The following FLG variants were observed in gnomAD, a reference collection of about 807,000 sequenced individuals.
The protein encoded by FLG is filaggrin.
FLG carries 6 observed loss-of-function variants against 3.8 expected under a neutral mutation model. The ratio of observed to expected loss-of-function variants is 1.60; its 90% confidence interval spans 0.87 to 3.15. The LOEUF (loss-of-function observed/expected upper bound fraction) is 3.15. FLG is among the 30% of genes most tolerant of loss of function. The probability of loss-of-function intolerance (pLI) is 0.00; values close to 1 mark genes in which losing one functional copy is unlikely to be tolerated. For synonymous variants in FLG, 2,551 were observed against 1,931.6 expected (o/e 1.32, Z -8.41); for missense variants, 7,595 against 5,050.9 (o/e 1.50, Z -15.27).
intron 1 of FLG, among the ~76,000 whole-genome samples, chr1:152,321,063 TACAC>T (rs964667976): frequency 1.3e-5 from 2 of 150,640 alleles, no homozygotes; most frequent in Non-Finnish European, 3.0e-5. Flanking sequence ...TATATATATA[TACAC>T]ACACACATAT....
intron 2 of FLG, 63 bp from the exon 3 acceptor site, chr1:152,314,810 A>T (rs1181725513): frequency 6.2e-7 from 1 of 1,601,654 alleles, no homozygotes; most frequent in East Asian, 2.2e-5. Flanking sequence ...CAGCCAATTA[A>T]TTCAAAGTTA....
chr1:152,314,148 G>C lies in FLG; in HGVS notation c.738C>G (p.Thr246=), dbSNP rs773723648. 1.2e-6 allele frequency: 2 copies of C among 1,614,114 alleles called. No homozygotes were observed. Among genetic ancestry groups the C allele is most frequent in the South Asian group, 2.2e-5 (2 of 91,080 alleles). The change falls in exon 3 of 3, where the codon ACC becomes ACG. Residue 246 remains threonine, a synonymous_variant. Coordinates refer to ENST00000368799, the MANE Select transcript of FLG (RefSeq NM_002016.2). ...TGTTTTCTTCTAATAGACTATCAGT[G>C]GTGTCATAGGCTTCATCCTGGATTG... The part of the protein sequence containing the change: ...YYTIQDEAYD[T]TDSLLEENKI...
Position 152,312,632 on chromosome 1 carries a change from C to T in FLG, c.2254G>A (p.Gly752Arg), listed in dbSNP as rs1473187722. ...SSGSQATDSE[G>R]HSEDSDTQSV... ...TGTGTGTCTGAGTCTTCTGAATGTC[C>T]CTCACTGTCAGTGGCCTGACTACCA... is the stretch of plus-strand genomic sequence containing the variant. The change falls in exon 3 of 3, where the codon GGA (glycine) becomes AGA (arginine). Residue 752 changes from glycine to arginine, a missense_variant. By Grantham distance (125) the Gly-to-Arg change is moderately radical (BLOSUM62 -2). Coordinates refer to ENST00000368799, the MANE Select transcript of FLG (RefSeq NM_002016.2). 9.3e-6 allele frequency: 15 copies of T among 1,613,702 alleles called. No individual in the cohort carries two copies. The highest frequency in any genetic ancestry group is 1.3e-5 in the African/African-American group (1 of 74,762).
rs1652262034 is a variant in FLG, at chr1:152,309,814, C to G, written c.5072G>C (p.Ser1691Thr). 4 of 1,613,996 alleles carry G rather than the reference C, an allele frequency of 2.5e-6. No homozygotes were observed. In the Admixed American group the frequency reaches 5.0e-5, roughly 20 times the overall value. The change falls in exon 3 of 3, where the codon AGC becomes ACC. Residue 1691 changes from serine (S) to threonine (T), a missense_variant. Coordinates refer to ENST00000368799, the MANE Select transcript of FLG (RefSeq NM_002016.2). ...HGSRHQQSAD[S>T]STDSGTGRRQ... ...GCGCCCAGTGCCTGAGTCTGTGGAG[C>G]TGTCTGCTGACTGCTGGTGGCGGGA...
rs144444327 is a variant in FLG at position 152,305,112 on chromosome 1, G to A, written c.9774C>T (p.His3258=). 424 of 1,613,708 alleles carry A rather than the reference G, an allele frequency of 2.6e-4. 2 individuals are homozygous for A. The highest frequency in any genetic ancestry group is 3.3e-4 in the Middle Eastern group (2 of 6,058). Residue 3258 remains histidine (H), a synonymous_variant, in exon 3 of 3, where the codon CAC becomes CAT. Transcript: ENST00000368799. ...AGTGCCCGTGACCGGCTCTGTCTTC[G>A]TGATGGGACCTGGGGTGTCTGGAGC... The part of the protein sequence containing the change: ...RHGSRHPRSH[H]EDRAGHGHSA...
chr1:152,311,513 C>G lies in FLG; in HGVS notation c.3373G>C (p.Glu1125Gln). Residue 1125 changes from glutamate (E) to glutamine (Q), a missense_variant, in exon 3 of 3, where the codon GAA becomes CAA. Physicochemically the swap from Glu to Gln is conservative, Grantham distance 29. Transcript: ENST00000368799. ...CGCCCATGGGCAGACTCAGACTGTT[C>G]ATGAGTGCTCACCTGGTAGATGAAA... ...GSFIYQVSTHEQSESAHGRTR... is the reference protein window; with the variant it reads ...GSFIYQVSTHQQSESAHGRTR... 6.2e-7 allele frequency: 1 copy of G among 1,613,884 alleles called. No individual in the cohort carries two copies. Among genetic ancestry groups the G allele is most frequent in the Non-Finnish European group, 8.5e-7 (1 of 1,179,964 alleles).
Position 152,309,220 on chromosome 1 carries a change from G to C in FLG, c.5666C>G (p.Ser1889Cys), listed in dbSNP as rs893855522. The change falls in exon 3 of 3, where the codon TCC becomes TGC. Residue 1889 changes from serine to cysteine, a missense_variant. Physicochemically the swap from Ser to Cys is moderately radical, Grantham distance 112. Coordinates refer to ENST00000368799, the MANE Select transcript of FLG (RefSeq NM_002016.2). ...GTGTCTAGAGCTGTCGGCCCGAGAG[G>C]AAGCTTCATGGTGACGCGACCCTGA... The part of the protein sequence containing the change: ...RHSGSRHHEA[S>C]SRADSSRHSQ... The C allele has an allele frequency of 6.2e-7, 1 of 1,613,614 alleles. No individual in the cohort carries two copies. Among genetic ancestry groups the C allele is most frequent in the South Asian group, 1.1e-5 (1 of 91,064 alleles).
At chr1:152,315,285 A>G (rs976896583) in intron 2 of FLG, 34 bp downstream of exon 2, 1 of 1,606,414 alleles carries the variant, frequency 6.2e-7, no homozygotes, top group Non-Finnish European at 8.5e-7. Flanking sequence ...AGAAAAACAA[A>G]TGCTCTATCT....
At position 152,310,411 on chromosome 1, in the gene FLG, T is replaced by G; in HGVS notation, c.4475A>C (p.His1492Pro). The G allele has an allele frequency of 6.2e-7, 1 of 1,613,462 alleles. No homozygotes were observed. The highest frequency in any genetic ancestry group is 1.1e-5 in the South Asian group (1 of 91,032). Residue 1492 changes from histidine to proline, a missense_variant, in exon 3 of 3, where the codon CAC (histidine) becomes CCC (proline). By Grantham distance (77) the His-to-Pro change is moderately conservative. Transcript: ENST00000368799. ...CCTTCCTCCTCTGCTTGACCCCGGG[T>G]GTCCACGAATGGTGTCCTGACCGTC... ...SQDGQDTIRG[H>P]PGSSRGGRQG...
Position 152,307,036 on chromosome 1 carries a change from C to G in FLG, c.7850G>C (p.Gly2617Ala), listed in dbSNP as rs1424183884. The G allele has an allele frequency of 6.2e-7, 1 of 1,603,630 alleles. No homozygotes were observed. The highest frequency in any genetic ancestry group is 8.5e-7 in the Non-Finnish European group (1 of 1,178,124). The change falls in exon 3 of 3, where the codon GGG becomes GCG. Residue 2617 changes from glycine (G) to alanine (A), a missense_variant. Physicochemically the swap from Gly to Ala is moderately conservative, Grantham distance 60. Transcript: ENST00000368799. ...TTGTCTGGAGCTGTCTGCAGAGTGC[C>G]CATGACCAGCTCTGTCTTCTTGATG... ...RSHQEDRAGH[G>A]HSADSSRQSG...
chr1:152,322,206 T>G (rs1653001545), intron 1 of FLG, among the ~76,000 whole-genome samples: 1 of 151,156 alleles, frequency 6.6e-6, no homozygotes, highest in African/African-American at 2.4e-5. Flanking sequence ...GCCTGCATCA[T>G]CCTATTGATA....
In FLG at chr1:152,313,330, T is replaced by A; in HGVS notation, c.1556A>T (p.His519Leu). ...CCTTCCTCCTCTGCTTGACCCCGGG[T>A]GTCCACGAATGGTGTCCTGACCCTC... is the stretch of plus-strand genomic sequence containing the variant. ...SQEGQDTIRG[H>L]PGSSRGGRQG... The change falls in exon 3 of 3, where the codon CAC becomes CTC. Residue 519 changes from histidine to leucine, a missense_variant. His to Leu is a moderately conservative substitution (Grantham distance 99, BLOSUM62 -3). Coordinates refer to ENST00000368799, the MANE Select transcript of FLG (RefSeq NM_002016.2). 1.2e-6 allele frequency: 2 copies of A among 1,613,088 alleles called. No individual in the cohort carries two copies. The highest frequency in any genetic ancestry group is 1.7e-6 in the Non-Finnish European group (2 of 1,179,748).
At position 152,303,408 on chromosome 1, in the gene FLG, T is replaced by G. The variant is rs1431650740; in HGVS notation, c.11478A>C (p.Ser3826=). The G allele has an allele frequency of 1.2e-6, 2 of 1,614,096 alleles. No homozygotes were observed. Among genetic ancestry groups the G allele is most frequent in the Non-Finnish European group, 1.7e-6 (2 of 1,180,012 alleles). Residue 3826 remains serine, a synonymous_variant, in exon 3 of 3, where the codon TCA becomes TCC. Transcript: ENST00000368799. ...EEQSGDGSRH[S]GSRHHEASTQ... ...TGGAAGCTTCATGGTGACGCGACCCTGAGTGCCTGGAGCCGTCTCCTGACT... is the reference window on the plus strand; with the variant it reads ...TGGAAGCTTCATGGTGACGCGACCCGGAGTGCCTGGAGCCGTCTCCTGACT...
rs1411076627 is a variant in FLG at position 152,307,590 on chromosome 1, C to A, written c.7296G>T (p.Gly2432=). 3.1e-6 allele frequency: 5 copies of A among 1,613,540 alleles called. No individual in the cohort carries two copies. Among genetic ancestry groups the A allele is most frequent in the Admixed American group, 3.3e-5 (2 of 59,952 alleles). The change falls in exon 3 of 3, where the codon GGG becomes GGT. Residue 2432 remains glycine (G), a synonymous_variant. Transcript: ENST00000368799. ...EQSESAHGRT[G]TSTGGRQGSH... is the part of the protein sequence containing the mutation. ...ATCCTTGTCTTCCTCCAGTGCTGGTCCCGGTCCGTCCATGGGCGGACTCAG... is the reference window on the plus strand; with the variant it reads ...ATCCTTGTCTTCCTCCAGTGCTGGTACCGGTCCGTCCATGGGCGGACTCAG...
chr1:152,314,162 C>T lies in FLG; in HGVS notation c.724G>A (p.Glu242Lys), dbSNP rs180813633. The part of the protein sequence containing the change: ...HIATYYTIQD[E>K]AYDTTDSLLE... ...AGACTATCAGTGGTGTCATAGGCTT[C>T]ATCCTGGATTGTGTAATATGTGGCA... Residue 242 changes from glutamate to lysine, a missense_variant, in exon 3 of 3, where the codon GAA becomes AAA. By Grantham distance (56) the Glu-to-Lys change is moderately conservative (BLOSUM62 1). Transcript: ENST00000368799. 60 of 1,614,192 alleles carry T rather than the reference C, an allele frequency of 3.7e-5. No individual in the cohort carries two copies. Among genetic ancestry groups the T allele is most frequent in the Admixed American group, 3.7e-4 (22 of 60,028 alleles).
At position 152,313,216 on chromosome 1, in the gene FLG, G is replaced by T; in HGVS notation, c.1670C>A (p.Ala557Asp). The change falls in exon 3 of 3, where the codon GCC becomes GAC. Residue 557 changes from alanine to aspartate, a missense_variant. Ala to Asp is a moderately radical substitution (Grantham distance 126). Transcript: ENST00000368799. ...SHTTSQGRSD[A>D]SHGQSGSRSA... is the part of the protein sequence containing the mutation. ...TCTGGATCCTGACTGCCCATGGGAG[G>T]CATCAGACCTTCCCTGGGATGTGGT... 6.2e-7 allele frequency: 1 copy of T among 1,613,856 alleles called. No homozygotes were observed. The highest frequency in any genetic ancestry group is 2.2e-5 in the East Asian group (1 of 44,842).
chr1:152,313,160 GT>G lies in FLG; in HGVS notation c.1725del (p.Glu575AspfsTer223). Reference sequence around the variant, plus strand: ...GAGTGCCTGGTGCCGTCTCCTGATTGTTCCTCATTTCGTGTTTGTCTGCTTG... The same window carrying G: ...GAGTGCCTGGTGCCGTCTCCTGATTGTCCTCATTTCGTGTTTGTCTGCTTG... The part of the protein sequence containing the change: ...RSASRQTRNE[E>X]QSGDGTRHSG... On this transcript the variant is annotated frameshift_variant, in exon 3 of 3. Coordinates refer to ENST00000368799, the MANE Select transcript of FLG (RefSeq NM_002016.2). LOFTEE classifies it low-confidence loss of function (END_TRUNC). The G allele has an allele frequency of 6.2e-7, 1 of 1,613,828 alleles. No homozygotes were observed. The highest frequency in any genetic ancestry group is 2.2e-5 in the East Asian group (1 of 44,824).
Position 152,314,372 on chromosome 1 carries a change from C to A in FLG, c.514G>T (p.Glu172Ter), listed in dbSNP as rs1367961368. The A allele has an allele frequency of 6.2e-7, 1 of 1,612,590 alleles. No homozygotes were observed. Among genetic ancestry groups the A allele is most frequent in the Non-Finnish European group, 8.5e-7 (1 of 1,179,574 alleles). The change falls in exon 3 of 3, where the codon GAA becomes TAA. Residue 172 changes from glutamate (E) to a stop codon, truncating the protein, a stop_gained. Transcript: ENST00000368799. LOFTEE classifies it low-confidence loss of function (END_TRUNC). ...GAGTTATGATGGTTTTTTCCATATT[C>A]TTCTTCTCTATGAGTAGGTGAATAT... is the stretch of plus-strand genomic sequence containing the variant. The part of the protein sequence containing the change: ...KGYSPTHREE[E>*]YGKNHHNSSK...
intron 2 of FLG, 101 bp downstream of exon 2, chr1:152,315,218 T>C (rs762517210): frequency 3.4e-5 from 40 of 1,160,876 alleles, no homozygotes; most frequent in Non-Finnish European, 4.9e-5. Context: ...TCTTTTCCTA[T>C]TTTAAGAGAA....
Sources: allele counts gnomAD v4.1 joint callset (sites outside exome capture counted in the v4.1 genomes callset), GRCh38; gene constraint gnomAD v4.1.1; transcripts MANE v1.5; gene names NCBI Gene and HGNC (gene_info 2026-07-23, HGNC 2026-07-21).